NHLH2: variants seen among roughly 807,000 people sequenced by gnomAD.
The protein encoded by NHLH2 is nescient helix-loop-helix 2.
Under a neutral mutation model 7.3 loss-of-function variants are expected in NHLH2, and 7 were observed. The observed-to-expected ratio is 0.96, with a 90% confidence interval of 0.55 to 1.81. The LOEUF (loss-of-function observed/expected upper bound fraction) is 1.81, where lower values mean the gene tolerates loss of function less well. Ranked by LOEUF, NHLH2 falls within the 40% of genes most tolerant of loss-of-function variation. The probability of loss-of-function intolerance (pLI) is 0.00; values close to 1 mark genes in which losing one functional copy is unlikely to be tolerated. For missense variants in NHLH2, 155 were observed against 194.0 expected (o/e 0.80, Z 1.19); for synonymous variants, 93 against 91.6 (o/e 1.01, Z -0.09).
Position 115,838,297 on chromosome 1 carries a change from C to G in NHLH2, c.76G>C (p.Gly26Arg), listed in dbSNP as rs760766784. The G allele has an allele frequency of 6.2e-6, 10 of 1,608,544 alleles. No individual in the cohort carries two copies. In the East Asian group the frequency reaches 6.7e-5, roughly 11 times the overall value. The part of the protein sequence containing the change: ...SAHSDPESLG[G>R]TDTKVLGSVS... ...CTGCCGAGCACCTTGGTGTCCGTGC[C>G]GCCCAGGGACTCCGGATCCGAGTGC... The change falls in exon 3 of 3, where the codon GGC becomes CGC. Residue 26 changes from glycine to arginine, a missense_variant. Gly to Arg is a moderately radical substitution (Grantham distance 125). Coordinates refer to ENST00000320238, the MANE Select transcript of NHLH2 (RefSeq NM_005599.3).
chr1:115,835,778 C>T (rs2797185), downstream of NHLH2, among the ~76,000 whole-genome samples: 52,292 of 151,972 alleles, frequency 0.34, 9,196 homozygotes, highest in Admixed American at 0.44. Context: ...CAATACATTT[C>T]GCATTTTTAT....
intron 2 of NHLH2, chr1:115,838,953 T>C (rs1650970583): frequency 1.2e-5 from 2 of 166,982 alleles, no homozygotes; most frequent in Non-Finnish European, 2.9e-5. Flanking sequence ...GTGCGGCCGG[T>C]CAGGAATCCC....
In NHLH2 at chr1:115,836,547, T is replaced by C. The variant is rs1650875431; in HGVS notation, c.*1418A>G. 6.6e-6 allele frequency: 1 copy of C among 152,590 alleles called. No homozygotes were observed. Among genetic ancestry groups the C allele is most frequent in the African/African-American group, 2.4e-5 (1 of 41,444 alleles). 9.5% of individuals were successfully genotyped at this position (152,590 alleles called of 1,614,324 possible). On this transcript the variant is annotated 3_prime_UTR_variant, in exon 3 of 3. Coordinates refer to ENST00000320238, the MANE Select transcript of NHLH2 (RefSeq NM_005599.3). ...AAGACTAAAATCTTTGGATAGCAGATGTGGTTTTTTTCCCTTGTCTCTAAA... is the reference window on the plus strand; with the variant it reads ...AAGACTAAAATCTTTGGATAGCAGACGTGGTTTTTTTCCCTTGTCTCTAAA...
intron 2 of NHLH2, chr1:115,838,742 G>C (rs1650962367): frequency 4.0e-6 from 1 of 248,240 alleles, no homozygotes; most frequent in South Asian, 1.4e-4. Context: ...TGCCAACCGC[G>C]CTATTCCTCC....
chr1:115,838,494 C>CT, intron 2 of NHLH2, 114 bp from the exon 3 acceptor site: 1 of 1,245,502 alleles, frequency 8.0e-7, no homozygotes, highest in Non-Finnish European at 1.1e-6. Context: ...CCCGGGCCCC[C>CT]TCCCCACAGC....
rs750596372 is a variant in NHLH2 at position 115,838,200 on chromosome 1, G to A, written c.173C>T (p.Pro58Leu). 6.4e-6 allele frequency: 10 copies of A among 1,567,118 alleles called. No homozygotes were observed. Among genetic ancestry groups the A allele is most frequent in the African/African-American group, 1.4e-5 (1 of 73,400 alleles). Residue 58 changes from proline to leucine, a missense_variant, in exon 3 of 3, where the codon CCG becomes CTG. Around this residue, in one of 2 missense-constraint regions of NHLH2, gnomAD observed 91 missense variants for 86.6 expected, o/e 1.05. Coordinates refer to ENST00000320238, the MANE Select transcript of NHLH2 (RefSeq NM_005599.3). ...CTCGCGGCTCAGCTGCTGCGGGTGC[G>A]GGTAGAGCGCGGCTCGGCTGCCGCC... ...GKGGSRAALYPHPQQLSREEK... is the reference protein window; with the variant it reads ...GKGGSRAALYLHPQQLSREEK...
chr1:115,833,702 C>T (rs897008610), downstream of NHLH2, among the ~76,000 whole-genome samples: 4 of 152,186 alleles, frequency 2.6e-5, no homozygotes, highest in African/African-American at 4.8e-5. Context: ...ATAATGCATG[C>T]AAAGCACTTT....
intron 2 of NHLH2, chr1:115,838,699 C>T (rs763884960): frequency 9.5e-6 from 3 of 316,748 alleles, no homozygotes; most frequent in Non-Finnish European, 1.8e-5. Flanking sequence ...CCTGTGGGGT[C>T]GCGACTGGGT....
In NHLH2 at chr1:115,836,591, G is replaced by A. The variant is rs191541166; in HGVS notation, c.*1374C>T. On this transcript the variant is annotated 3_prime_UTR_variant, in exon 3 of 3. Transcript: ENST00000320238. ...CTCTAAAATACACTCCTTGTTTTAA[G>A]AGTTTCACAGCAGAGAACATGAAAC... 55 of 152,636 alleles carry A rather than the reference G, an allele frequency of 3.6e-4. No individual in the cohort carries two copies. The highest frequency in any genetic ancestry group is 1.3e-3 in the African/African-American group (52 of 41,536). 9.5% of individuals were successfully genotyped at this position (152,636 alleles called of 1,614,324 possible). A position where few individuals can be genotyped will look rare whatever the true frequency, so the allele number is the denominator to read the frequency against.
chr1:115,838,717 C>T, intron 2 of NHLH2: 1 of 280,742 alleles, frequency 3.6e-6, no homozygotes, highest in Non-Finnish European at 6.9e-6. Flanking sequence ...GGTTTTTGTG[C>T]CTCTTCCGGC....
Position 115,837,794 on chromosome 1 carries a change from G to T in NHLH2, c.*171C>A. ...CTGCCTGCGTCGGAAACCTTCCCTCGTCGCCCTGCTGACCAGAGAGAACAG... is the reference window on the plus strand; with the variant it reads ...CTGCCTGCGTCGGAAACCTTCCCTCTTCGCCCTGCTGACCAGAGAGAACAG... On this transcript the variant is annotated 3_prime_UTR_variant, in exon 3 of 3. Transcript: ENST00000320238. 1.4e-6 allele frequency: 1 copy of T among 707,648 alleles called. No individual in the cohort carries two copies. Among genetic ancestry groups the T allele is most frequent in the African/African-American group, 1.9e-5 (1 of 52,106 alleles). The allele number at this position is 707,648 out of a possible 1,614,324, so 43.8% of individuals were successfully genotyped here. A position where few individuals can be genotyped will look rare whatever the true frequency, so the allele number is the denominator to read the frequency against.
At position 115,838,392 on chromosome 1, in the gene NHLH2, T is replaced by C. The variant is rs1474668183; in HGVS notation, c.-8-12A>G. 6.2e-7 allele frequency: 1 copy of C among 1,606,982 alleles called. No homozygotes were observed. Among genetic ancestry groups the C allele is most frequent in the Non-Finnish European group, 8.5e-7 (1 of 1,178,410 alleles). ...CATCATTTTGGAGGCTGAGGAGGGG[T>C]CGGAAAATTAATCAGTAAAAGGAAT... is the stretch of plus-strand genomic sequence containing the variant. On this transcript the variant is annotated splice_polypyrimidine_tract_variant and intron_variant, in intron 2 of 2. Coordinates refer to ENST00000320238, the MANE Select transcript of NHLH2 (RefSeq NM_005599.3).
At chr1:115,831,710 C>T (rs573239210), downstream of NHLH2, among the ~76,000 whole-genome samples, 1 of 151,942 alleles carries the variant, frequency 6.6e-6, no homozygotes, top group South Asian at 2.1e-4. Context: ...CACCTGAGGT[C>T]AGGAGTTCAA....
chr1:115,837,683 A>C lies in NHLH2; in HGVS notation c.*282T>G. On this transcript the variant is annotated 3_prime_UTR_variant, in exon 3 of 3. Coordinates refer to ENST00000320238, the MANE Select transcript of NHLH2 (RefSeq NM_005599.3). ...ACCACAACCCTTGGGGAGCCCCAGA[A>C]GTGGCTCATCTCGGGTGTCTCCACG... 2 of 441,708 alleles carry C rather than the reference A, an allele frequency of 4.5e-6. No homozygotes were observed. Among genetic ancestry groups the C allele is most frequent in the East Asian group, 4.8e-5 (1 of 20,738 alleles). 27.4% of individuals were successfully genotyped at this position (441,708 alleles called of 1,614,324 possible).
Position 115,837,942 on chromosome 1 carries a change from G to T in NHLH2, c.*23C>A. On this transcript the variant is annotated 3_prime_UTR_variant, in exon 3 of 3. Transcript: ENST00000320238. ...GCGTTTCGCGGACGCCGGGACAGGC[G>T]GCCCCCCGCGGCGCACCCCGCCCTA... 1.3e-6 allele frequency: 2 copies of T among 1,583,274 alleles called. No individual in the cohort carries two copies. The highest frequency in any genetic ancestry group is 2.3e-5 in the South Asian group (2 of 88,186).
chr1:115,831,924 CAAA>C (rs34137281), downstream of NHLH2, among the ~76,000 whole-genome samples: 8 of 137,228 alleles, frequency 5.8e-5, no homozygotes, highest in Admixed American at 7.1e-5. Flanking sequence ...GACTTGGTCT[CAAA>C]AAAAAAAAAA....
At chr1:115,834,986 T>G (rs1175005993), downstream of NHLH2, among the ~76,000 whole-genome samples, 1 of 152,216 alleles carries the variant, frequency 6.6e-6, no homozygotes, top group Non-Finnish European at 1.5e-5. Flanking sequence ...TCTAGCAGAC[T>G]GCCACCATGC....
Position 115,836,582 on chromosome 1 carries a change from T to C in NHLH2, c.*1383A>G, listed in dbSNP as rs1650876833. The stretch of plus-strand genomic sequence containing the variant: ...TTCCCTTGTCTCTAAAATACACTCC[T>C]TGTTTTAAGAGTTTCACAGCAGAGA... On this transcript the variant is annotated 3_prime_UTR_variant, in exon 3 of 3. Transcript: ENST00000320238. 3.3e-5 allele frequency: 5 copies of C among 152,636 alleles called. No homozygotes were observed. The highest frequency in any genetic ancestry group is 7.4e-5 in the Non-Finnish European group (5 of 68,026). 9.5% of individuals were successfully genotyped at this position (152,636 alleles called of 1,614,324 possible). A position where few individuals can be genotyped will look rare whatever the true frequency, so the allele number is the denominator to read the frequency against.
At position 115,836,812 on chromosome 1, in the gene NHLH2, TAC is replaced by T. The variant is rs1650882960; in HGVS notation, c.*1151_*1152del. On this transcript the variant is annotated 3_prime_UTR_variant, in exon 3 of 3. Coordinates refer to ENST00000320238, the MANE Select transcript of NHLH2 (RefSeq NM_005599.3). ...CAGACATAACTACAGATAAGAATAA[TAC>T]ACTTTTTAAAAAACTATAATAGTGA... The T allele has an allele frequency of 6.6e-6, 1 of 152,054 alleles. No individual in the cohort carries two copies. The allele number at this position is 152,054 out of a possible 1,614,324, so 9.4% of individuals were successfully genotyped here. A position where few individuals can be genotyped will look rare whatever the true frequency, so the allele number is the denominator to read the frequency against.
Sources: gnomAD v4.1 joint callset for allele counts (sites outside exome capture counted in the v4.1 genomes callset) on GRCh38, gnomAD v4.1.1 for gene constraint, gnomAD v4.1.1 regional missense constraint, MANE v1.5 for transcripts, NCBI Gene and HGNC (gene_info 2026-07-23, HGNC 2026-07-21) for gene names.